Variants in LAMA2 observed in about 807,000 individuals in gnomAD.
LAMA2 encodes laminin subunit alpha-2.
Under a neutral mutation model 364.8 loss-of-function variants are expected in LAMA2, and 269 were observed. The ratio of observed to expected loss-of-function variants is 0.74; its 90% CI spans 0.67 to 0.82. The LOEUF (loss-of-function observed/expected upper bound fraction) is 0.82. Ranked by LOEUF, LAMA2 falls within the 40% of genes least tolerant of loss-of-function variation. The pLI, the probability that LAMA2 is intolerant of heterozygous loss-of-function variation, is 0.00. For synonymous variants in LAMA2, 1,379 were observed against 1,370.6 expected (o/e 1.01, Z -0.14); for missense variants, 3,807 against 3,873.2 (o/e 0.98, Z 0.45).
At chr6:129,433,090 A>G (rs1417374668) in intron 41 of LAMA2, among the ~76,000 whole-genome samples, 1 of 152,210 alleles carries the variant, frequency 6.6e-6, no homozygotes, top group African/African-American at 2.4e-5. Context: ...TCAGATATAC[A>G]GCACATCCCA....
At chr6:129,299,093 G>A (rs1423350015) in intron 21 of LAMA2, among the ~76,000 whole-genome samples, 2 of 151,590 alleles carry the variant, frequency 1.3e-5, no homozygotes, top group Non-Finnish European at 2.9e-5. Context: ...AAAGATGACA[G>A]CATTTAATAA....
rs1784339882 is a variant in LAMA2, at chr6:129,481,393, G to A, written c.7703G>A (p.Gly2568Glu). 6.2e-7 allele frequency: 1 copy of A among 1,614,008 alleles called. No homozygotes were observed. The highest frequency in any genetic ancestry group is 1.1e-5 in the South Asian group (1 of 91,084). The change falls in exon 55 of 65, where the codon GGA (glycine) becomes GAA (glutamate). Residue 2568 changes from glycine to glutamate, a missense_variant. This residue lies in a region of LAMA2 where 3,333 missense variants were observed against 3,345.7 expected (regional missense o/e 1.00). Transcript: ENST00000421865. Reference sequence around the variant, plus strand: ...TCCGGCATCATTCTTTTGGGAAGTGGAGGGACACCAGCACCACCTAGGAGA... The same window carrying A: ...TCCGGCATCATTCTTTTGGGAAGTGAAGGGACACCAGCACCACCTAGGAGA... ...NESGIILLGSGGTPAPPRRKR... is the reference protein window; with the variant it reads ...NESGIILLGSEGTPAPPRRKR...
intron 19 of LAMA2, 56 bp downstream of exon 19, chr6:129,288,114 A>G: frequency 7.0e-7 from 1 of 1,429,842 alleles, no homozygotes; most frequent in Non-Finnish European, 9.9e-7. Flanking sequence ...ACCTCAAAGT[A>G]GCTGATGAGT....
chr6:129,473,138 C>T (rs201409997), intron 51 of LAMA2, 76 bp from the exon 52 acceptor site: 46 of 1,170,996 alleles, frequency 3.9e-5, no homozygotes, highest in Non-Finnish European at 6.3e-6. Context: ...CCAAATTTGT[C>T]TTGAAGTATT....
chr6:129,376,636 A>C (rs1778391572), intron 34 of LAMA2, among the ~76,000 whole-genome samples: 1 of 152,242 alleles, frequency 6.6e-6, no homozygotes, highest in East Asian at 1.9e-4. Flanking sequence ...TTGTCCCACC[A>C]CAAAGCATTG....
chr6:129,204,039 C>A (rs1166092742), intron 12 of LAMA2, among the ~76,000 whole-genome samples: 2 of 152,162 alleles, frequency 1.3e-5, no homozygotes, highest in East Asian at 3.9e-4. Context: ...AACACTTTGT[C>A]ACCTGTCTGA....
At chr6:129,052,134 CCTT>C (rs1788097220) in intron 2 of LAMA2, among the ~76,000 whole-genome samples, 1 of 139,718 alleles carries the variant, frequency 7.2e-6, no homozygotes, top group Non-Finnish European at 1.5e-5. Context: ...TATTTCTTCT[CCTT>C]TTTTTTTTTT....
chr6:129,142,842 T>G (rs1014585471), intron 4 of LAMA2, among the ~76,000 whole-genome samples: 3 of 152,030 alleles, frequency 2.0e-5, no homozygotes, highest in African/African-American at 4.8e-5. Context: ...TAATTAACAT[T>G]TATCCTATTA....
intron 13 of LAMA2, among the ~76,000 whole-genome samples, chr6:129,251,072 C>CTATATA (rs1786187013): frequency 2.0e-4 from 13 of 65,076 alleles, no homozygotes; most frequent in South Asian, 5.2e-4. Flanking sequence ...CTCTCTCTCT[C>CTATATA]TCTCTATATA....
At position 129,417,871 on chromosome 6, in the gene LAMA2, C is replaced by T. The variant is rs1376505708; in HGVS notation, c.5866-9881C>T. Among the ~76,000 whole-genome samples, 9 of 152,138 alleles carry T rather than the reference C, an allele frequency of 5.9e-5. No homozygotes were observed. In the South Asian group the frequency reaches 8.3e-4, roughly 14 times the overall value. ...TTTGCTCTGAAATCAGCCTGGGTGC[C>T]GGGAACAGTGAGAGACCAGGAAGAA... On this transcript the variant is annotated intron_variant, in intron 40 of 64. Transcript: ENST00000421865.
chr6:129,257,809 A>C (rs182073486), intron 14 of LAMA2, among the ~76,000 whole-genome samples: 2 of 152,182 alleles, frequency 1.3e-5, no homozygotes, highest in East Asian at 3.9e-4. Flanking sequence ...AACAGTTTCC[A>C]TTTATCTTCT....
intron 12 of LAMA2, among the ~76,000 whole-genome samples, chr6:129,247,857 T>C (rs1785869873): frequency 2.0e-5 from 3 of 152,198 alleles, no homozygotes; most frequent in Non-Finnish European, 2.9e-5. Context: ...TATTCCTTAG[T>C]TCATGTTTTA....
chr6:128,924,769 C>T (rs1778982119), intron 1 of LAMA2, among the ~76,000 whole-genome samples: 1 of 152,110 alleles, frequency 6.6e-6, no homozygotes, highest in Non-Finnish European at 1.5e-5. Context: ...GGCCAACCAC[C>T]CCTTCTCATC....
At chr6:129,325,061 A>G (rs1250105738) in intron 28 of LAMA2, among the ~76,000 whole-genome samples, 1 of 152,222 alleles carries the variant, frequency 6.6e-6, no homozygotes, top group Non-Finnish European at 1.5e-5. Context: ...CTGAAGAAAG[A>G]AAGGAGCGCA....
At chr6:128,991,000 T>G (rs1783574627) in intron 1 of LAMA2, among the ~76,000 whole-genome samples, 1 of 152,196 alleles carries the variant, frequency 6.6e-6, no homozygotes, top group African/African-American at 2.4e-5. Flanking sequence ...TGTTGTTTCT[T>G]TAGTGTTTGA....
intron 49 of LAMA2, 79 bp from the exon 50 acceptor site, chr6:129,464,211 A>G: frequency 8.1e-7 from 1 of 1,237,554 alleles, no homozygotes; most frequent in Non-Finnish European, 1.2e-6. Context: ...CTATAGTCTC[A>G]TTGCTATTCA....
chr6:129,473,568 C>T (rs139915374), intron 52 of LAMA2, among the ~76,000 whole-genome samples: 1 of 151,952 alleles, frequency 6.6e-6, no homozygotes, highest in African/African-American at 2.4e-5. Context: ...GGATTGGAGT[C>T]GCTGTTTCCT....
intron 20 of LAMA2, among the ~76,000 whole-genome samples, chr6:129,295,949 CTATG>C (rs1437021223): frequency 6.6e-6 from 1 of 151,384 alleles, no homozygotes; most frequent in Non-Finnish European, 1.5e-5. Flanking sequence ...GTCTTTTTGT[CTATG>C]TATTTCTGTT....
chr6:128,967,490 T>C (rs531445479), intron 1 of LAMA2, among the ~76,000 whole-genome samples: 5 of 152,188 alleles, frequency 3.3e-5, no homozygotes, highest in Admixed American at 6.5e-5. Flanking sequence ...GGAAACATAC[T>C]CCTGACCAGC....
Sources: allele counts gnomAD v4.1 joint callset (sites outside exome capture counted in the v4.1 genomes callset), GRCh38; gene constraint gnomAD v4.1.1; regional missense constraint gnomAD v4.1.1; transcripts MANE v1.5; gene names NCBI Gene and HGNC (gene_info 2026-07-23, HGNC 2026-07-21).